The following FRY variants were observed in gnomAD, a reference collection of about 807,000 sequenced individuals.
FRY encodes FRY microtubule binding protein.
Under a neutral mutation model 348.4 loss-of-function variants are expected in FRY, and 128 were observed. The ratio of observed to expected loss-of-function variants is 0.37; its 90% CI spans 0.32 to 0.43. The LOEUF (loss-of-function observed/expected upper bound fraction) is 0.43. Ranked by LOEUF, FRY falls within the 20% of genes least tolerant of loss-of-function variation. The pLI is 1.00. For missense variants in FRY, 2,736 were observed against 3,695.2 expected (o/e 0.74, Z 6.73); for synonymous variants, 1,370 against 1,374.7 (o/e 1.00, Z 0.08).
intron 33 of FRY, 147 bp downstream of exon 33, chr13:32,209,878 C>T: frequency 2.4e-6 from 2 of 820,836 alleles, no homozygotes; most frequent in Non-Finnish European, 4.0e-6. Context: ...CCAGATATTA[C>T]ATAAAAGTTC....
chr13:32,228,140 G>A (rs942797607), intron 39 of FRY, among the ~76,000 whole-genome samples: 1 of 152,184 alleles, frequency 6.6e-6, no homozygotes, highest in African/African-American at 2.4e-5. Context: ...CTGGTTGTTT[G>A]CCTGGTCCAT....
chr13:32,098,083 T>C (rs1876875581), intron 2 of FRY, among the ~76,000 whole-genome samples: 1 of 152,096 alleles, frequency 6.6e-6, no homozygotes, highest in African/African-American at 2.4e-5. Flanking sequence ...GAAATGCACA[T>C]GGTGGTCTCA....
At chr13:32,108,792 G>A (rs1877748211) in intron 3 of FRY, among the ~76,000 whole-genome samples, 1 of 152,172 alleles carries the variant, frequency 6.6e-6, no homozygotes, top group South Asian at 2.1e-4. Flanking sequence ...GCATTGACAG[G>A]TATAGAGCCC....
At chr13:32,249,422 G>C (rs1886963189) in intron 48 of FRY, 104 bp from the exon 49 acceptor site, 1 of 1,251,646 alleles carries the variant, frequency 8.0e-7, no homozygotes. Flanking sequence ...TCTCTAATCT[G>C]ATTTTTAATC....
chr13:32,267,432 G>A, intron 55 of FRY, 73 bp downstream of exon 55: 1 of 1,316,264 alleles, frequency 7.6e-7, no homozygotes, highest in South Asian at 1.2e-5. Context: ...TTTAAGGAGA[G>A]GTTGTTCTTC....
intron 1 of FRY, among the ~76,000 whole-genome samples, chr13:32,060,318 T>C (rs950648854): frequency 3.9e-5 from 6 of 152,252 alleles, no homozygotes; most frequent in Non-Finnish European, 5.9e-5. Context: ...TTCTCCAATA[T>C]TGGCTCCATC....
intron 2 of FRY, chr13:32,085,847 G>A (rs1875822677): frequency 3.9e-6 from 2 of 518,648 alleles, no homozygotes; most frequent in Admixed American, 1.9e-5. Flanking sequence ...CTCTGCCATG[G>A]CATTGACAGA....
chr13:32,239,614 C>G lies in FRY; in HGVS notation c.6517-97C>G. On this transcript the variant is annotated intron_variant, in intron 45 of 60. Transcript: ENST00000542859. The surrounding 1 kb of genome is among the most constrained non-coding windows in gnomAD (Gnocchi z 4.3). ...TGTAATTACCAAAAAGTGTATCAAT[C>G]TACTTTCCAGATGGCCAGAGCTTAT... 2 of 867,796 alleles carry G rather than the reference C, an allele frequency of 2.3e-6. No homozygotes were observed. The highest frequency in any genetic ancestry group is 2.6e-5 in the East Asian group (1 of 38,442). The allele number at this position is 867,796 out of a possible 1,614,324, so 53.8% of individuals were successfully genotyped here. A position where few individuals can be genotyped will look rare whatever the true frequency, so the allele number is the denominator to read the frequency against.
intron 29 of FRY, among the ~76,000 whole-genome samples, chr13:32,198,416 G>A (rs992507604): frequency 5.9e-5 from 9 of 152,288 alleles, no homozygotes; most frequent in African/African-American, 2.2e-4. Context: ...TAGGCAGAAA[G>A]GTCTGTTCCA....
At chr13:32,159,011 G>A (rs900889443) in intron 16 of FRY, among the ~76,000 whole-genome samples, 29 of 140,098 alleles carry the variant, frequency 2.1e-4, no homozygotes, top group African/African-American at 7.2e-4. Context: ...GTAATCAATA[G>A]GCATCATAAG....
At chr13:32,076,387 A>G (rs1326934049) in intron 1 of FRY, among the ~76,000 whole-genome samples, 5 of 152,204 alleles carry the variant, frequency 3.3e-5, no homozygotes, top group Non-Finnish European at 7.3e-5. Context: ...CCTGAGGAAG[A>G]TATCTTGAGA....
intron 7 of FRY, 142 bp downstream of exon 7, chr13:32,125,017 A>C: frequency 1.4e-6 from 1 of 731,252 alleles, no homozygotes; most frequent in South Asian, 1.4e-5. Context: ...CTGAAACTGA[A>C]TAGAAAGCTC....
chr13:32,265,710 G>C, intron 54 of FRY, 94 bp downstream of exon 54: 1 of 1,253,102 alleles, frequency 8.0e-7, no homozygotes, highest in Non-Finnish European at 1.1e-6. Flanking sequence ...TTGCACTGCT[G>C]GGACATCCTA....
chr13:32,211,003 G>C lies in FRY; in HGVS notation c.4560G>C (p.Thr1520=). The C allele has an allele frequency of 6.2e-7, 1 of 1,613,966 alleles. No homozygotes were observed. Among genetic ancestry groups the C allele is most frequent in the Non-Finnish European group, 8.5e-7 (1 of 1,179,874 alleles). The part of the protein sequence containing the change: ...HCDNPPFYRF[T]ASSKASAAAS... ...ACAACCCGCCCTTCTACCGCTTCAC[G>C]GCCAGTAGCAAGGCTTCCGCAGCAG... Residue 1520 remains threonine (T), a synonymous_variant, in exon 34 of 61, where the codon ACG becomes ACC. Coordinates refer to ENST00000542859, the MANE Select transcript of FRY (RefSeq NM_023037.3).
intron 2 of FRY, among the ~76,000 whole-genome samples, chr13:32,083,646 A>T (rs972333760): frequency 6.6e-6 from 1 of 152,102 alleles, no homozygotes; most frequent in African/African-American, 2.4e-5. Context: ...TACTTTCTGC[A>T]CCTAGAAGGT....
intron 1 of FRY, among the ~76,000 whole-genome samples, chr13:32,059,144 A>T (rs1233589382): frequency 6.6e-6 from 1 of 152,054 alleles, no homozygotes; most frequent in Non-Finnish European, 1.5e-5. Context: ...TTCCCTTAGT[A>T]TCTATAAAAA....
chr13:32,098,239 G>A (rs1252067401), intron 2 of FRY, among the ~76,000 whole-genome samples: 2 of 151,988 alleles, frequency 1.3e-5, no homozygotes, highest in South Asian at 2.1e-4. Flanking sequence ...TCTGTTCAAA[G>A]TATACTATTT....
chr13:32,254,303 A>AG lies in FRY; in HGVS notation c.7326dup (p.Gln2443AlafsTer6). ...GTATCTTCTGAGGACGGTGCCCGAG[A>AG]GCAGGAGAACATGGATGACACAAAC... On this transcript the variant is annotated frameshift_variant, in exon 51 of 61. Transcript: ENST00000542859. LOFTEE classifies it high-confidence loss of function. 1 of 1,614,124 alleles carries AG rather than the reference A, an allele frequency of 6.2e-7. No homozygotes were observed. The highest frequency in any genetic ancestry group is 8.5e-7 in the Non-Finnish European group (1 of 1,179,988).
intron 42 of FRY, 37 bp from the exon 43 acceptor site, chr13:32,236,041 C>A: frequency 7.8e-7 from 1 of 1,285,922 alleles, no homozygotes; most frequent in Non-Finnish European, 1.1e-6. Context: ...ACAATGGTTA[C>A]AAGCAATACA....
Sources: gnomAD v4.1 joint callset for allele counts (sites outside exome capture counted in the v4.1 genomes callset) on GRCh38, gnomAD v4.1.1 for gene constraint, Gnocchi (gnomAD v3.1) non-coding constraint, MANE v1.5 for transcripts, NCBI Gene and HGNC (gene_info 2026-07-23, HGNC 2026-07-21) for gene names.